Variants in TXNDC8 observed in about 807,000 individuals in gnomAD.
TXNDC8 encodes thioredoxin domain-containing protein 8.
TXNDC8 carries 15 observed loss-of-function variants against 12.9 expected under a neutral mutation model. That is an observed-to-expected ratio of 1.16 (90% CI 0.78 to 1.79). The LOEUF (loss-of-function observed/expected upper bound fraction) is 1.79, where lower values mean the gene tolerates loss of function less well. Among genes scored for constraint, TXNDC8 ranks in the 40% most tolerant of loss-of-function variants. TXNDC8 has a pLI of 0.00. For missense variants in TXNDC8, 128 were observed against 113.2 expected, an observed-to-expected ratio of 1.13 and a Z score of -0.59; for synonymous variants, 40 against 35.4, an observed-to-expected ratio of 1.13 and a Z score of -0.46.
chr9:110,333,377 C>T (rs899362567), intron 2 of TXNDC8, among the ~76,000 whole-genome samples: 7 of 152,122 alleles, frequency 4.6e-5, no homozygotes, highest in South Asian at 2.1e-4. Context: ...TGATCTGAGG[C>T]GGAACAGTTT....
At chr9:110,303,882 T>C (rs547749801) in intron 4 of TXNDC8, among the ~76,000 whole-genome samples, 14 of 152,324 alleles carry the variant, frequency 9.2e-5, no homozygotes, top group African/African-American at 2.6e-4. Context: ...AACTCCATCA[T>C]TGGAACTTCT....
chr9:110,320,524 A>T lies in TXNDC8; in HGVS notation c.195+5651T>A, dbSNP rs534080701. ...ACCCAGTCTCAGGTGTGTCTTTATTAGCAGCATGAGAACGGATTAATACAA... is the reference window on the plus strand; with the variant it reads ...ACCCAGTCTCAGGTGTGTCTTTATTTGCAGCATGAGAACGGATTAATACAA... On this transcript the variant is annotated intron_variant, in intron 3 of 4. Transcript: ENST00000423740. Among the ~76,000 whole-genome samples the T allele has an allele frequency of 9.2e-5, 14 of 152,300 alleles. No homozygotes were observed. The South Asian group carries it at 2.9e-3, about 32-fold the overall frequency.
At chr9:110,330,742 T>C (rs578125069) in intron 2 of TXNDC8, among the ~76,000 whole-genome samples, 2 of 152,346 alleles carry the variant, frequency 1.3e-5, no homozygotes, top group South Asian at 4.1e-4. Flanking sequence ...TCACTGGATT[T>C]TGCACTACAG....
rs147796057 is a variant in TXNDC8 at position 110,321,486 on chromosome 9, ATG to A, written c.195+4687_195+4688del. On this transcript the variant is annotated intron_variant, in intron 3 of 4. Coordinates refer to ENST00000423740, the MANE Select transcript of TXNDC8 (RefSeq NM_001286946.2). ...CTCTTTGCCAGATGTTTTATCAGAA[ATG>A]TAAGACATTTCTTGTAAGAAGCCTT... 4.6e-3 allele frequency among the ~76,000 whole-genome samples: 704 copies of A among 152,344 alleles called. 11 individuals are homozygous for A. Among genetic ancestry groups the A allele is most frequent in the African/African-American group, 0.016 (680 of 41,578 alleles).
chr9:110,334,693 G>A (rs1839681128), intron 1 of TXNDC8, among the ~76,000 whole-genome samples: 1 of 152,230 alleles, frequency 6.6e-6, no homozygotes, highest in Admixed American at 6.5e-5. Context: ...GGTAATGGAA[G>A]TTGATAACGG....
intron 3 of TXNDC8, chr9:110,324,127 A>T (rs767721029): frequency 8.0e-7 from 1 of 1,252,184 alleles, no homozygotes; most frequent in Middle Eastern, 2.1e-4. Context: ...TTTTAAAGAG[A>T]GTAACTGATG....
At chr9:110,331,452 C>G (rs911930692) in intron 2 of TXNDC8, among the ~76,000 whole-genome samples, 1 of 151,892 alleles carries the variant, frequency 6.6e-6, no homozygotes, top group Non-Finnish European at 1.5e-5. Context: ...AAGAGTGGTT[C>G]GTGGAGTTTC....
intron 3 of TXNDC8, among the ~76,000 whole-genome samples, chr9:110,309,823 T>C (rs939463016): frequency 3.1e-4 from 47 of 151,644 alleles, no homozygotes; most frequent in African/African-American, 1.1e-3. Flanking sequence ...ACACAAAAAC[T>C]CTAGGCCACG....
chr9:110,334,262 G>A lies in TXNDC8; in HGVS notation c.83C>T (p.Ser28Phe), dbSNP rs374389111. ...TTTGCAGGGACCACACCGTTTCGAA[G>A]AAAATTGAACCACTGCGAGTTTGTG... Residue 28 changes from serine (S) to phenylalanine (F), a missense_variant, in exon 2 of 5, where the codon TCT becomes TTT. Coordinates refer to ENST00000423740, the MANE Select transcript of TXNDC8 (RefSeq NM_001286946.2). 6.8e-6 allele frequency: 11 copies of A among 1,613,788 alleles called. No homozygotes were observed. The highest frequency in any genetic ancestry group is 9.3e-6 in the Non-Finnish European group (11 of 1,179,830).
chr9:110,301,964 T>A (rs1403083880), downstream of TXNDC8, among the ~76,000 whole-genome samples: 1 of 152,024 alleles, frequency 6.6e-6, no homozygotes, highest in African/African-American at 2.4e-5. Context: ...GAATATTTTT[T>A]ATTTTTATTT....
intron 3 of TXNDC8, chr9:110,324,014 A>C (rs1226000316): frequency 6.5e-7 from 1 of 1,549,090 alleles, no homozygotes; most frequent in East Asian, 2.4e-5. Flanking sequence ...AAGGAAGTAC[A>C]TGGGATAAGA....
At chr9:110,311,608 A>G (rs1838679041) in intron 3 of TXNDC8, among the ~76,000 whole-genome samples, 1 of 128,404 alleles carries the variant, frequency 7.8e-6, no homozygotes, top group Admixed American at 8.0e-5. Flanking sequence ...CCATATATAT[A>G]TGGATATAGT....
intron 3 of TXNDC8, chr9:110,323,058 A>G (rs1202374854): frequency 1.0e-6 from 1 of 985,434 alleles, no homozygotes; most frequent in South Asian, 4.7e-5. Context: ...CCTTGATTCT[A>G]TAGGCAATGG....
chr9:110,335,615 A>G (rs1839720133), intron 1 of TXNDC8, among the ~76,000 whole-genome samples: 2 of 152,188 alleles, frequency 1.3e-5, no homozygotes, highest in South Asian at 4.1e-4. Flanking sequence ...TATCATGATC[A>G]GTTAGCTGGT....
intron 3 of TXNDC8, among the ~76,000 whole-genome samples, chr9:110,312,261 A>G (rs1263498462): frequency 6.6e-6 from 1 of 152,218 alleles, no homozygotes; most frequent in Admixed American, 6.5e-5. Flanking sequence ...GAGTATTCTT[A>G]ACTTATGGCA....
intron 4 of TXNDC8, 185 bp from the exon 6 acceptor site, chr9:110,303,768 C>T (rs1838325712): frequency 6.9e-7 from 1 of 1,444,088 alleles, no homozygotes; most frequent in Middle Eastern, 2.5e-4. Flanking sequence ...ATTTGGCATC[C>T]TTTCAAAATT....
downstream of TXNDC8, among the ~76,000 whole-genome samples, chr9:110,301,787 C>T (rs1838275625): frequency 6.6e-6 from 1 of 152,152 alleles, no homozygotes. Flanking sequence ...TTTCCTCTCC[C>T]TGCTTCTAAT....
chr9:110,314,588 C>A (rs995545782), intron 3 of TXNDC8, among the ~76,000 whole-genome samples: 2 of 151,524 alleles, frequency 1.3e-5, no homozygotes, highest in Non-Finnish European at 2.9e-5. Context: ...GCCCGCCACC[C>A]CGTCCGGCTA....
intron 1 of TXNDC8, 112 bp downstream of exon 1, chr9:110,337,661 T>TAC (rs1411895727): frequency 8.0e-6 from 8 of 1,001,368 alleles, no homozygotes; most frequent in African/African-American, 1.6e-5. Context: ...CTCCCCTTGC[T>TAC]ACAATGCAAT....
Sources: allele counts gnomAD v4.1 joint callset (sites outside exome capture counted in the v4.1 genomes callset), GRCh38; gene constraint gnomAD v4.1.1; transcripts MANE v1.5; gene names NCBI Gene and HGNC (gene_info 2026-07-23, HGNC 2026-07-21).